Variants in SMYD3 observed in about 807,000 individuals in gnomAD.
SMYD3 encodes the protein SET and MYND domain containing 3.
Under a neutral mutation model 57.7 loss-of-function variants are expected in SMYD3, and 36 were observed. The ratio of observed to expected loss-of-function variants is 0.62; its 90% CI spans 0.48 to 0.82. The LOEUF is 0.82. SMYD3 is among the 40% of genes least tolerant of loss of function. The probability of loss-of-function intolerance (pLI) is 0.00; values close to 1 mark genes in which losing one functional copy is unlikely to be tolerated. For synonymous variants in SMYD3, 211 were observed against 195.0 expected (o/e 1.08, Z -0.68); for missense variants, 515 against 538.8 (o/e 0.96, Z 0.44).
intron 1 of SMYD3, among the ~76,000 whole-genome samples, chr1:246,407,386 G>C (rs1261684589): frequency 1.3e-5 from 2 of 152,200 alleles, no homozygotes; most frequent in Non-Finnish European, 2.9e-5. Context: ...GAATCCCAAA[G>C]ACAACACAGC....
At chr1:246,066,430 C>T (rs2060340738) in intron 5 of SMYD3, among the ~76,000 whole-genome samples, 2 of 152,142 alleles carry the variant, frequency 1.3e-5, no homozygotes, top group African/African-American at 4.8e-5. Flanking sequence ...TTTTACATTA[C>T]AATTCTTATT....
At chr1:246,007,579 G>C (rs148488918) in intron 5 of SMYD3, among the ~76,000 whole-genome samples, 1 of 152,178 alleles carries the variant, frequency 6.6e-6, no homozygotes, top group Admixed American at 6.5e-5. Flanking sequence ...GGAGGTCTAT[G>C]TGGGTGGATC....
intron 5 of SMYD3, among the ~76,000 whole-genome samples, chr1:246,196,297 T>A (rs548281402): frequency 6.6e-6 from 1 of 152,294 alleles, no homozygotes; most frequent in South Asian, 2.1e-4. Context: ...CTGCTCCTTG[T>A]CTTTTTTCCT....
chr1:245,749,599 A>G lies in SMYD3; in HGVS notation c.1251T>C (p.Leu417=). 1 of 1,614,128 alleles carries G rather than the reference A, an allele frequency of 6.2e-7. No individual in the cohort carries two copies. Among genetic ancestry groups the G allele is most frequent in the East Asian group, 2.2e-5 (1 of 44,884 alleles). The part of the protein sequence containing the change: ...EHSLIEDLIL[L]LEECDANIRA... Reference sequence around the variant, plus strand: ...TGATGTTGGCGTCGCATTCTTCTAAAAGTAGAATCAAATCTTCAATCAGGC... The same window carrying G: ...TGATGTTGGCGTCGCATTCTTCTAAGAGTAGAATCAAATCTTCAATCAGGC... Residue 417 remains leucine (L), a synonymous_variant, in exon 12 of 12, where the codon CTT becomes CTC. Coordinates refer to ENST00000490107, the MANE Select transcript of SMYD3 (RefSeq NM_001167740.2).
chr1:245,783,165 G>A (rs1315009643), intron 10 of SMYD3, among the ~76,000 whole-genome samples: 1 of 152,128 alleles, frequency 6.6e-6, no homozygotes, highest in Admixed American at 6.5e-5. Flanking sequence ...GGCATAAGCA[G>A]GTATCATACA....
chr1:245,784,757 G>A (rs12750847), intron 10 of SMYD3, among the ~76,000 whole-genome samples: 15,446 of 151,862 alleles, frequency 0.1, 908 homozygotes, highest in Admixed American at 0.16. Context: ...CTTGGAAGTC[G>A]CATTGATTCA....
chr1:246,114,558 GC>G (rs1190587766), intron 5 of SMYD3, among the ~76,000 whole-genome samples: 5 of 152,188 alleles, frequency 3.3e-5, no homozygotes, highest in African/African-American at 1.2e-4. Flanking sequence ...CTTCCTTTCA[GC>G]CCCTGCCTCT....
At chr1:246,469,414 A>C (rs577410881) in intron 1 of SMYD3, among the ~76,000 whole-genome samples, 2 of 152,368 alleles carry the variant, frequency 1.3e-5, no homozygotes, top group South Asian at 4.1e-4. Flanking sequence ...GAGAAGGCAA[A>C]GTACAACATA....
At chr1:246,379,772 G>A (rs2066357554) in intron 1 of SMYD3, among the ~76,000 whole-genome samples, 1 of 152,190 alleles carries the variant, frequency 6.6e-6, no homozygotes, top group Non-Finnish European at 1.5e-5. Context: ...GGCCAAGGCG[G>A]ATGGATCACT....
intron 2 of SMYD3, among the ~76,000 whole-genome samples, chr1:246,338,255 G>A (rs777941776): frequency 6.6e-6 from 1 of 152,066 alleles, no homozygotes; most frequent in African/African-American, 2.4e-5. Flanking sequence ...TACCATAAGG[G>A]TTACGAATAC....
intron 5 of SMYD3, among the ~76,000 whole-genome samples, chr1:245,931,598 T>TA (rs1236465756): frequency 1.3e-5 from 2 of 152,088 alleles, no homozygotes; most frequent in East Asian, 3.9e-4. Context: ...CCTAGAGATA[T>TA]AAATTTAGGA....
At chr1:246,105,916 A>G (rs1222649411) in intron 5 of SMYD3, among the ~76,000 whole-genome samples, 2 of 152,202 alleles carry the variant, frequency 1.3e-5, no homozygotes, top group Non-Finnish European at 2.9e-5. Context: ...TCCTTATCGA[A>G]ACTTTACAAA....
intron 5 of SMYD3, among the ~76,000 whole-genome samples, chr1:246,155,655 T>A (rs1338652339): frequency 6.6e-6 from 1 of 152,148 alleles, no homozygotes; most frequent in African/African-American, 2.4e-5. Context: ...ATCTGCTTCA[T>A]GCCCTAAAGA....
chr1:246,374,712 C>T (rs988967993), intron 1 of SMYD3, among the ~76,000 whole-genome samples: 2 of 152,196 alleles, frequency 1.3e-5, no homozygotes, highest in Admixed American at 6.5e-5. Flanking sequence ...TGGCTCATGC[C>T]TGTAATCCCA....
rs186690020 is a variant in SMYD3 at position 246,444,220 on chromosome 1, A to G, written c.164+62834T>C. On this transcript the variant is annotated intron_variant, in intron 1 of 11. Transcript: ENST00000490107. ...CCGCTCACTGAAACCTCCGCCTCCCAGGTTCAAGCAATTTTCTGCCTCAGC... is the reference window on the plus strand; with the variant it reads ...CCGCTCACTGAAACCTCCGCCTCCCGGGTTCAAGCAATTTTCTGCCTCAGC... 5.9e-4 allele frequency among the ~76,000 whole-genome samples: 88 copies of G among 149,922 alleles called. No individual in the cohort carries two copies. The South Asian group carries it at 5.9e-3, about 10-fold the overall frequency.
intron 5 of SMYD3, among the ~76,000 whole-genome samples, chr1:246,021,466 G>A (rs2059469543): frequency 6.6e-6 from 1 of 152,132 alleles, no homozygotes; most frequent in Non-Finnish European, 1.5e-5. Context: ...TGAGGAAGTG[G>A]CCTCAGAGAA....
chr1:245,908,383 A>C (rs1558482267), intron 8 of SMYD3, among the ~76,000 whole-genome samples: 2 of 152,230 alleles, frequency 1.3e-5, no homozygotes, highest in Non-Finnish European at 2.9e-5. Flanking sequence ...ATAGACAGAG[A>C]GACCCCAATA....
chr1:246,145,053 T>A (rs1218493562), intron 5 of SMYD3, among the ~76,000 whole-genome samples: 7 of 152,224 alleles, frequency 4.6e-5, no homozygotes, highest in Non-Finnish European at 8.8e-5. Context: ...CTCACTGTGT[T>A]GCTCAGGCTG....
intron 10 of SMYD3, among the ~76,000 whole-genome samples, chr1:245,769,776 A>G (rs1441515459): frequency 6.6e-6 from 1 of 152,238 alleles, no homozygotes; most frequent in Non-Finnish European, 1.5e-5. Flanking sequence ...ACTTAAATAT[A>G]GTCAGTCCTC....
Sources: allele counts gnomAD v4.1 joint callset (sites outside exome capture counted in the v4.1 genomes callset), GRCh38; gene constraint gnomAD v4.1.1; transcripts MANE v1.5; gene names NCBI Gene and HGNC (gene_info 2026-07-23, HGNC 2026-07-21).